LOXL2: variants seen among roughly 807,000 people sequenced by gnomAD.
LOXL2 encodes the protein lysyl oxidase homolog 2.
In LOXL2, 70 loss-of-function variants were observed where a neutral mutation model predicts 93.0. The ratio of observed to expected loss-of-function variants is 0.75; its 90% CI spans 0.62 to 0.92. LOXL2 has a LOEUF of 0.92. LOXL2 is among the 40% of genes least tolerant of loss of function. The probability of loss-of-function intolerance (pLI) is 0.00; values close to 1 mark genes in which losing one functional copy is unlikely to be tolerated. For missense variants in LOXL2, 973 were observed against 1,054.9 expected, an observed-to-expected ratio of 0.92 and a Z score of 1.08; for synonymous variants, 438 against 413.2, an observed-to-expected ratio of 1.06 and a Z score of -0.73.
chr8:23,331,463 A>T (rs1803675985), intron 5 of LOXL2: 1 of 152,366 alleles, frequency 6.6e-6, no homozygotes, highest in South Asian at 2.1e-4. Flanking sequence ...CCGCGTCAGC[A>T]AACAGTGCAC....
intron 4 of LOXL2, among the ~76,000 whole-genome samples, chr8:23,339,952 C>T (rs1221187231): frequency 1.3e-5 from 2 of 152,176 alleles, no homozygotes; most frequent in African/African-American, 2.4e-5. Context: ...GTGGTCTGCC[C>T]GGCACCCCAG....
chr8:23,335,863 C>T (rs1054939005), intron 4 of LOXL2, among the ~76,000 whole-genome samples: 1 of 152,214 alleles, frequency 6.6e-6, no homozygotes, highest in Non-Finnish European at 1.5e-5. Context: ...CTCTCCTTAA[C>T]CCAAATCTGA....
At position 23,317,125 on chromosome 8, in the gene LOXL2, C is replaced by T. The variant is rs1803415948; in HGVS notation, c.1471-11G>A. On this transcript the variant is annotated splice_polypyrimidine_tract_variant and intron_variant, in intron 8 of 13. Coordinates refer to ENST00000389131, the MANE Select transcript of LOXL2 (RefSeq NM_002318.3). ...CCAATACCAGGTCTCCTGGAAGAACCAACAAAACAAATGGTGGGTACATCA... is the reference window on the plus strand; with the variant it reads ...CCAATACCAGGTCTCCTGGAAGAACTAACAAAACAAATGGTGGGTACATCA... 2.1e-5 allele frequency: 34 copies of T among 1,613,312 alleles called. No homozygotes were observed. In the East Asian group the frequency reaches 6.2e-4, roughly 30 times the overall value.
chr8:23,387,937 G>A (rs894120629), intron 1 of LOXL2, among the ~76,000 whole-genome samples: 1 of 152,150 alleles, frequency 6.6e-6, no homozygotes, highest in African/African-American at 2.4e-5. Context: ...CGACAAGAGC[G>A]AGACTCTGTC....
chr8:23,323,845 G>A (rs1442567558), intron 6 of LOXL2, among the ~76,000 whole-genome samples: 3 of 152,084 alleles, frequency 2.0e-5, no homozygotes, highest in Non-Finnish European at 4.4e-5. Flanking sequence ...GGAAATACAG[G>A]CACATGCCAC....
At chr8:23,347,960 T>C (rs1163070082) in intron 3 of LOXL2, among the ~76,000 whole-genome samples, 1 of 152,088 alleles carries the variant, frequency 6.6e-6, no homozygotes, top group Admixed American at 6.5e-5. Flanking sequence ...AACCCAAATG[T>C]CCTTCAATGA....
At chr8:23,311,468 CTT>C (rs1803318150) in intron 9 of LOXL2, among the ~76,000 whole-genome samples, 6 of 152,224 alleles carry the variant, frequency 3.9e-5, no homozygotes, top group Non-Finnish European at 8.8e-5. Flanking sequence ...ATGTGAGCCT[CTT>C]ATTAGTTGAC....
At chr8:23,305,819 GT>G (rs11348844) in intron 10 of LOXL2, among the ~76,000 whole-genome samples, 37,256 of 148,556 alleles carry the variant, frequency 0.25, 4,821 homozygotes, top group African/African-American at 0.32. Flanking sequence ...TTTTGTTTTT[GT>G]TTTTTTTTTG....
intron 1 of LOXL2, among the ~76,000 whole-genome samples, chr8:23,396,752 TGTA>T (rs570222703): frequency 4.5e-4 from 68 of 152,168 alleles, no homozygotes; most frequent in Non-Finnish European, 8.4e-4. Context: ...GATCTTGAGG[TGTA>T]ATTGAAGCAG....
At chr8:23,328,738 T>TGTGTCGTGG in intron 5 of LOXL2, 173 bp from the exon 6 acceptor site, 1 of 632,378 alleles carries the variant, frequency 1.6e-6, no homozygotes, top group Non-Finnish European at 2.8e-6. Flanking sequence ...TGTGTGTGTG[T>TGTGTCGTGG]GTGTGTGTCG....
At chr8:23,401,619 G>A (rs952104306) in intron 1 of LOXL2, among the ~76,000 whole-genome samples, 5 of 151,968 alleles carry the variant, frequency 3.3e-5, no homozygotes, top group Non-Finnish European at 5.9e-5. Context: ...TACTTTTTTT[G>A]CATACTTGAA....
chr8:23,380,643 TTTG>T (rs1322250378), intron 1 of LOXL2, among the ~76,000 whole-genome samples: 2 of 152,154 alleles, frequency 1.3e-5, no homozygotes, highest in Non-Finnish European at 1.5e-5. Context: ...AAAGTTTTTT[TTTG>T]TTGTTGTTGT....
At chr8:23,371,543 G>A (rs1426440759) in intron 1 of LOXL2, among the ~76,000 whole-genome samples, 1 of 151,772 alleles carries the variant, frequency 6.6e-6, no homozygotes, top group Non-Finnish European at 1.5e-5. Flanking sequence ...ACAAGGTCAG[G>A]AGATCAAGCC....
chr8:23,334,818 G>GT (rs1803763382), intron 4 of LOXL2, among the ~76,000 whole-genome samples: 5 of 138,220 alleles, frequency 3.6e-5, no homozygotes, highest in African/African-American at 1.4e-4. Flanking sequence ...TTTATTTGTT[G>GT]TTGTTTTTTT....
At chr8:23,362,955 T>A (rs890844989) in intron 2 of LOXL2, among the ~76,000 whole-genome samples, 1 of 152,178 alleles carries the variant, frequency 6.6e-6, no homozygotes, top group Non-Finnish European at 1.5e-5. Context: ...TCAAGTTCCA[T>A]CTGCCACACA....
At chr8:23,393,519 C>T (rs771559069) in intron 1 of LOXL2, among the ~76,000 whole-genome samples, 3 of 152,060 alleles carry the variant, frequency 2.0e-5, no homozygotes, top group Non-Finnish European at 2.9e-5. Context: ...GAAGTTGGGG[C>T]CCGACCTCAT....
intron 5 of LOXL2, 29 bp from the exon 6 acceptor site, chr8:23,328,594 C>T (rs755183120): frequency 1.2e-6 from 2 of 1,609,544 alleles, no homozygotes; most frequent in East Asian, 2.2e-5. Flanking sequence ...CTGCTGAGTA[C>T]AGACGCTGAT....
At chr8:23,386,873 A>G (rs1222291369) in intron 1 of LOXL2, among the ~76,000 whole-genome samples, 2 of 152,160 alleles carry the variant, frequency 1.3e-5, no homozygotes, top group Non-Finnish European at 2.9e-5. Flanking sequence ...TGCGGCTTTC[A>G]CAGGCACGCA....
Position 23,298,863 on chromosome 8 carries a change from G to T in LOXL2, c.2218C>A (p.Arg740Ser), listed in dbSNP as rs779717879. 6.8e-6 allele frequency: 11 copies of T among 1,613,552 alleles called. No individual in the cohort carries two copies. Among genetic ancestry groups the T allele is most frequent in the South Asian group, 2.2e-5 (2 of 91,074 alleles). Reference sequence around the variant, plus strand: ...ATGTGGCAGTTGTACATCCAGATGCGGTGGCCGTCATAGCGGCTCCTGCAT... The same window carrying T: ...ATGTGGCAGTTGTACATCCAGATGCTGTGGCCGTCATAGCGGCTCCTGCAT... ...MKCRSRYDGH[R>S]IWMYNCHIGG... The change falls in exon 13 of 14, where the codon CGC (arginine) becomes AGC (serine). Residue 740 changes from arginine (R) to serine (S), a missense_variant. Transcript: ENST00000389131.
Sources: gnomAD v4.1 joint callset for allele counts (sites outside exome capture counted in the v4.1 genomes callset) on GRCh38, gnomAD v4.1.1 for gene constraint, MANE v1.5 for transcripts, NCBI Gene and HGNC (gene_info 2026-07-23, HGNC 2026-07-21) for gene names.